SMYD3: variants seen among roughly 807,000 people sequenced by gnomAD.
The protein encoded by SMYD3 is histone-lysine N-methyltransferase SMYD3.
Under a neutral mutation model 57.7 loss-of-function variants are expected in SMYD3, and 36 were observed. That is an observed-to-expected ratio of 0.62 (90% CI 0.48 to 0.82). The LOEUF is 0.82. SMYD3 is among the 40% of genes least tolerant of loss of function. The pLI is 0.00. For missense variants in SMYD3, 515 were observed against 538.8 expected (o/e 0.96, Z 0.44); for synonymous variants, 211 against 195.0 (o/e 1.08, Z -0.68).
At chr1:246,363,606 G>A (rs1164536595) in intron 1 of SMYD3, among the ~76,000 whole-genome samples, 1 of 152,186 alleles carries the variant, frequency 6.6e-6, no homozygotes, top group Non-Finnish European at 1.5e-5. Context: ...GGATCCTGTT[G>A]ATCTGTGACC....
chr1:245,981,017 T>C (rs2058582541), intron 5 of SMYD3, among the ~76,000 whole-genome samples: 1 of 152,210 alleles, frequency 6.6e-6, no homozygotes, highest in African/African-American at 2.4e-5. Flanking sequence ...ATTCACTATC[T>C]GACCCTTTAG....
intron 10 of SMYD3, among the ~76,000 whole-genome samples, chr1:245,835,887 G>A (rs4654129): frequency 5.3e-5 from 8 of 152,106 alleles, no homozygotes; most frequent in Non-Finnish European, 7.4e-5. Flanking sequence ...GTTCTCCGTC[G>A]ACGTGACTTG....
chr1:246,110,175 A>G (rs1384319499), intron 5 of SMYD3, among the ~76,000 whole-genome samples: 3 of 152,216 alleles, frequency 2.0e-5, no homozygotes, highest in Non-Finnish European at 4.4e-5. Flanking sequence ...CCACTGAGTA[A>G]GGGGTGCACA....
intron 5 of SMYD3, among the ~76,000 whole-genome samples, chr1:245,956,300 G>A (rs188027230): frequency 2.8e-4 from 43 of 152,244 alleles, no homozygotes; most frequent in Admixed American, 2.5e-3. Context: ...TAAGATAAAC[G>A]AATTTGAGAA....
intron 8 of SMYD3, among the ~76,000 whole-genome samples, chr1:245,897,269 G>A (rs370717713): frequency 4.6e-5 from 7 of 152,168 alleles, no homozygotes; most frequent in South Asian, 4.1e-4. Context: ...TTAAAAACAC[G>A]GACAAAATGC....
chr1:245,856,906 C>T (rs1431062785), intron 10 of SMYD3, among the ~76,000 whole-genome samples: 1 of 152,178 alleles, frequency 6.6e-6, no homozygotes, highest in African/African-American at 2.4e-5. Context: ...TGTTTGGCTT[C>T]CTCAGAGCAA....
At chr1:245,993,631 T>TAGATAGACAGAC (rs1436642900) in intron 5 of SMYD3, among the ~76,000 whole-genome samples, 7 of 120,136 alleles carry the variant, frequency 5.8e-5, no homozygotes, top group East Asian at 2.6e-4. Context: ...GATAGATAGA[T>TAGATAGACAGAC]AGACAGACAG....
At chr1:246,299,785 G>A (rs1230634039) in intron 5 of SMYD3, among the ~76,000 whole-genome samples, 1 of 152,024 alleles carries the variant, frequency 6.6e-6, no homozygotes, top group African/African-American at 2.4e-5. Context: ...GCTACATAAT[G>A]AGAACACATG....
chr1:246,163,994 C>A (rs1348198637), intron 5 of SMYD3, among the ~76,000 whole-genome samples: 1 of 152,150 alleles, frequency 6.6e-6, no homozygotes, highest in East Asian at 1.9e-4. Flanking sequence ...GGGAAGGTGC[C>A]ATTTTGACTT....
chr1:246,056,604 A>G (rs1308507231), intron 5 of SMYD3, among the ~76,000 whole-genome samples: 4 of 151,822 alleles, frequency 2.6e-5, no homozygotes, highest in African/African-American at 7.3e-5. Context: ...GGAAATAACA[A>G]GAGGCAAAGC....
At chr1:245,880,779 C>T (rs10924375) in intron 8 of SMYD3, among the ~76,000 whole-genome samples, 91,578 of 152,118 alleles carry the variant, frequency 0.6, 30,466 homozygotes, top group Non-Finnish European at 0.77. Flanking sequence ...GTAGGTGGGA[C>T]AAGAAACCTA....
intron 1 of SMYD3, among the ~76,000 whole-genome samples, chr1:246,446,984 G>C (rs939906262): frequency 6.7e-6 from 1 of 149,878 alleles, no homozygotes; most frequent in South Asian, 2.1e-4. Flanking sequence ...AGCCGAGATC[G>C]TGCCACTGCA....
intron 5 of SMYD3, among the ~76,000 whole-genome samples, chr1:246,102,126 C>T (rs12023296): frequency 0.019 from 2,969 of 152,306 alleles, 141 homozygotes; most frequent in East Asian, 0.15. Flanking sequence ...CTTCCCAGCA[C>T]GCACAGGCTC....
chr1:245,955,801 A>G (rs1454620515), intron 5 of SMYD3: 4 of 328,410 alleles, frequency 1.2e-5, no homozygotes, highest in Non-Finnish European at 1.7e-5. Flanking sequence ...AACATATTGT[A>G]TGTTTAGCTT....
chr1:246,354,966 G>A (rs2065887879), intron 2 of SMYD3, 65 bp downstream of exon 2: 1 of 1,474,720 alleles, frequency 6.8e-7, no homozygotes, highest in South Asian at 1.1e-5. Context: ...AACAGGTATA[G>A]TGAAGGACAA....
intron 5 of SMYD3, among the ~76,000 whole-genome samples, chr1:246,109,151 T>C (rs986150347): frequency 3.9e-5 from 6 of 151,968 alleles, no homozygotes; most frequent in Non-Finnish European, 7.4e-5. Context: ...ACACGAAGAA[T>C]ATATTTGATA....
intron 5 of SMYD3, chr1:245,953,442 A>C: frequency 2.6e-6 from 2 of 774,000 alleles, no homozygotes; most frequent in Non-Finnish European, 3.2e-6. Flanking sequence ...TGTTTTTGAG[A>C]CAGAGTCTCG....
rs145222304 is a variant in SMYD3, at chr1:245,987,512, A to G, written c.532-57575T>C. 5.0e-3 allele frequency among the ~76,000 whole-genome samples: 756 copies of G among 152,374 alleles called. 6 individuals are homozygous for G. The highest frequency in any genetic ancestry group is 0.017 in the African/African-American group (706 of 41,590). ...GAGCCAGGGAGGTTTAACAATCATTAGTAACAGGTGATATCCACTGAAACT... is the reference window on the plus strand; with the variant it reads ...GAGCCAGGGAGGTTTAACAATCATTGGTAACAGGTGATATCCACTGAAACT... On this transcript the variant is annotated intron_variant, in intron 5 of 11. Transcript: ENST00000490107.
At chr1:246,221,003 C>T (rs1221380075) in intron 5 of SMYD3, among the ~76,000 whole-genome samples, 12 of 151,922 alleles carry the variant, frequency 7.9e-5, no homozygotes, top group South Asian at 2.1e-4. Context: ...GATGATGGGA[C>T]GACCAGCTGC....
Sources: allele counts gnomAD v4.1 joint callset (sites outside exome capture counted in the v4.1 genomes callset), GRCh38; gene constraint gnomAD v4.1.1; transcripts MANE v1.5; gene names NCBI Gene and HGNC (gene_info 2026-07-23, HGNC 2026-07-21).